Variants in KMT2C observed in about 807,000 individuals in gnomAD.
The protein encoded by KMT2C is lysine methyltransferase 2C.
Under a neutral mutation model 507.9 loss-of-function variants are expected in KMT2C, and 88 were observed. The ratio of observed to expected loss-of-function variants is 0.17; its 90% confidence interval spans 0.15 to 0.21. KMT2C has a LOEUF of 0.21. Ranked by LOEUF, KMT2C falls within the 10% of genes least tolerant of loss-of-function variation. The pLI is 1.00. For synonymous variants in KMT2C, 2,049 were observed against 2,080.8 expected, an observed-to-expected ratio of 0.98 and a Z score of 0.42; for missense variants, 4,954 against 5,957.8, an observed-to-expected ratio of 0.83 and a Z score of 5.55.
Position 152,279,049 on chromosome 7 carries a change from T to C in KMT2C, c.850-5182A>G, listed in dbSNP as rs567679982. On this transcript the variant is annotated intron_variant, in intron 6 of 58. Transcript: ENST00000262189. ...TAGAATTTTCAAAAAAAAATCCACA[T>C]GTATGGTCGTAAAGAAATGTCCACA... is the stretch of plus-strand genomic sequence containing the variant. Among the ~76,000 whole-genome samples the C allele has an allele frequency of 2.6e-5, 4 of 152,180 alleles. No individual in the cohort carries two copies. In the South Asian group the frequency reaches 8.3e-4, roughly 32 times the overall value.
chr7:152,298,931 G>A (rs541755187), intron 6 of KMT2C, among the ~76,000 whole-genome samples: 1 of 152,266 alleles, frequency 6.6e-6, no homozygotes, highest in Non-Finnish European at 1.5e-5. Flanking sequence ...CTTGAAGGTA[G>A]ACCTCTCTAA....
At chr7:152,388,643 T>A (rs2097457185) in intron 1 of KMT2C, among the ~76,000 whole-genome samples, 1 of 152,312 alleles carries the variant, frequency 6.6e-6, no homozygotes, top group African/African-American at 2.4e-5. Context: ...AACTGAGTTC[T>A]AACCTGAAGA....
chr7:152,276,159 G>A (rs1223709459), intron 6 of KMT2C, among the ~76,000 whole-genome samples: 3 of 152,140 alleles, frequency 2.0e-5, no homozygotes, highest in South Asian at 2.1e-4. Flanking sequence ...TTAGGAGAAC[G>A]CTTCAAACCC....
chr7:152,271,629 A>G (rs1045017693), intron 7 of KMT2C, among the ~76,000 whole-genome samples: 5 of 145,882 alleles, frequency 3.4e-5, no homozygotes, highest in African/African-American at 1.3e-4. Context: ...AGCCAAGGCC[A>G]TGCCACTGCA....
Position 152,177,955 on chromosome 7 carries a change from C to A in KMT2C, c.7498G>T (p.Val2500Leu), listed in dbSNP as rs371045916. ...GTMPSQERFL[V>L]PPQQIQGSGV... ...GATCCCTGTATTTGCTGAGGAGGCACAAGGAAGCGCTCTTGACTCGGCATG... is the reference window on the plus strand; with the variant it reads ...GATCCCTGTATTTGCTGAGGAGGCAAAAGGAAGCGCTCTTGACTCGGCATG... The change falls in exon 38 of 59, where the codon GTG (valine) becomes TTG (leucine). Residue 2500 changes from valine to leucine, a missense_variant. Physicochemically the swap from Val to Leu is conservative, Grantham distance 32. This residue lies in a region of KMT2C where 1,689 missense variants were observed against 1,654.3 expected (regional missense o/e 1.02). Coordinates refer to ENST00000262189, the MANE Select transcript of KMT2C (RefSeq NM_170606.3). 10 of 1,487,148 alleles carry A rather than the reference C, an allele frequency of 6.7e-6. No individual in the cohort carries two copies. Among genetic ancestry groups the A allele is most frequent in the East Asian group, 2.8e-5 (1 of 35,538 alleles). The allele number at this position is 1,487,148 out of a possible 1,614,324, so 92.1% of individuals were successfully genotyped here. A position where few individuals can be genotyped will look rare whatever the true frequency, so the allele number is the denominator to read the frequency against.
At chr7:152,324,178 CAGGAGGAAT>C in intron 3 of KMT2C, among the ~76,000 whole-genome samples, 1 of 151,428 alleles carries the variant, frequency 6.6e-6, no homozygotes, top group South Asian at 2.1e-4. Context: ...AAGGTTGAGA[CAGGAGGAAT>C]AGGTTTTGAG....
intron 22 of KMT2C, among the ~76,000 whole-genome samples, chr7:152,221,007 C>G (rs907881009): frequency 6.6e-6 from 1 of 152,164 alleles, no homozygotes; most frequent in African/African-American, 2.4e-5. Context: ...GTAATCCCAG[C>G]ACTTTGGGGG....
At chr7:152,390,872 A>T (rs1192721386) in intron 1 of KMT2C, among the ~76,000 whole-genome samples, 1 of 152,122 alleles carries the variant, frequency 6.6e-6, no homozygotes, top group Non-Finnish European at 1.5e-5. Context: ...CTCTGCCAGG[A>T]GCAACGGCTC....
intron 23 of KMT2C, among the ~76,000 whole-genome samples, chr7:152,210,443 C>T (rs1038267097): frequency 2.6e-5 from 4 of 152,162 alleles, no homozygotes; most frequent in African/African-American, 9.7e-5. Context: ...CGACTATGGT[C>T]TATAACAAGC....
intron 34 of KMT2C, among the ~76,000 whole-genome samples, chr7:152,184,172 C>A (rs552487551): frequency 1.4e-5 from 2 of 140,154 alleles, no homozygotes; most frequent in East Asian, 4.1e-4. Flanking sequence ...AAAGAAATCA[C>A]TTAAAAATTT....
chr7:152,206,026 T>C (rs992322986), intron 24 of KMT2C, among the ~76,000 whole-genome samples: 14 of 152,216 alleles, frequency 9.2e-5, no homozygotes, highest in African/African-American at 3.1e-4. Context: ...GCATGGAATC[T>C]GGAGTCAGAC....
chr7:152,313,323 G>A (rs2096690829), intron 4 of KMT2C, among the ~76,000 whole-genome samples: 1 of 151,884 alleles, frequency 6.6e-6, no homozygotes, highest in Non-Finnish European at 1.5e-5. Flanking sequence ...ATGAGGGAAA[G>A]GGGTGTAAAA....
intron 6 of KMT2C, 88 bp from the exon 7 acceptor site, chr7:152,273,955 G>C: frequency 7.5e-7 from 1 of 1,335,368 alleles, no homozygotes; most frequent in Non-Finnish European, 9.9e-7. Flanking sequence ...AAAACTCTCT[G>C]TATATCACAA....
Position 152,155,866 on chromosome 7 carries a change from AG to A in KMT2C, c.11960+43del, listed in dbSNP as rs550534952. Reference sequence around the variant, plus strand: ...CATACATACATTTATTTTTTTTAAAAGAAGAAATAACTAAGAATTATTTGAG... The same window carrying A: ...CATACATACATTTATTTTTTTTAAAAAAGAAATAACTAAGAATTATTTGAG... On this transcript the variant is annotated intron_variant, in intron 46 of 58. Coordinates refer to ENST00000262189, the MANE Select transcript of KMT2C (RefSeq NM_170606.3). 415 of 1,547,576 alleles carry A rather than the reference AG, an allele frequency of 2.7e-4. 3 individuals carry two copies. The African/African-American group carries it at 5.3e-3, about 20-fold the overall frequency.
chr7:152,338,635 T>G (rs898500425), intron 2 of KMT2C, among the ~76,000 whole-genome samples: 1 of 152,134 alleles, frequency 6.6e-6, no homozygotes, highest in Non-Finnish European at 1.5e-5. Context: ...ATTCAAAAGA[T>G]AAGGAAACTA....
rs2129164518 is a variant in KMT2C, at chr7:152,248,541, A to G, written c.1893T>C (p.Ser631=). ...CGCCACAAATATGCTTCACTTCAGAAGACATTTTCAGGTCTTCACTATCAA... is the reference window on the plus strand; with the variant it reads ...CGCCACAAATATGCTTCACTTCAGAGGACATTTTCAGGTCTTCACTATCAA... The part of the protein sequence containing the change: ...NEVDSEDLKM[S]SEVKHICGED... Residue 631 remains serine, a synonymous_variant, in exon 14 of 59, where the codon TCT becomes TCC. Coordinates refer to ENST00000262189, the MANE Select transcript of KMT2C (RefSeq NM_170606.3). 1.9e-6 allele frequency: 3 copies of G among 1,614,060 alleles called. No homozygotes were observed. The highest frequency in any genetic ancestry group is 1.7e-6 in the Non-Finnish European group (2 of 1,179,950).
At chr7:152,252,754 A>G (rs536766792) in intron 9 of KMT2C, 39 bp from the exon 10 acceptor site, 2 of 1,444,058 alleles carry the variant, frequency 1.4e-6, no homozygotes, top group South Asian at 1.2e-5. Flanking sequence ...ACAGTTTGTT[A>G]TGCATTTGTA....
At chr7:152,203,979 T>C (rs558438073) in intron 25 of KMT2C, among the ~76,000 whole-genome samples, 28 of 152,220 alleles carry the variant, frequency 1.8e-4, no homozygotes, top group Middle Eastern at 3.4e-3. Flanking sequence ...TTTCAGAGCA[T>C]TGCGAGGAAT....
At position 152,158,946 on chromosome 7, in the gene KMT2C, G is replaced by T. The variant is rs2129101498; in HGVS notation, c.11587C>A (p.Pro3863Thr). 6.2e-7 allele frequency: 1 copy of T among 1,614,150 alleles called. No individual in the cohort carries two copies. Among genetic ancestry groups the T allele is most frequent in the Non-Finnish European group, 8.5e-7 (1 of 1,180,028 alleles). Residue 3863 changes from proline (P) to threonine (T), a missense_variant, in exon 44 of 59, where the codon CCT becomes ACT. By Grantham distance (38) the Pro-to-Thr change is conservative. Coordinates refer to ENST00000262189, the MANE Select transcript of KMT2C (RefSeq NM_170606.3). ...TCCTTTTTCCTTTTCTTTGAGCGAGGTGCTGCTTTCTCACCCGTCCTCTGA... is the reference window on the plus strand; with the variant it reads ...TCCTTTTTCCTTTTCTTTGAGCGAGTTGCTGCTTTCTCACCCGTCCTCTGA... ...RTQRTGEKAAPRSKKRKKDEE... is the reference protein window; with the variant it reads ...RTQRTGEKAATRSKKRKKDEE...
Sources: gnomAD v4.1 joint callset for allele counts (sites outside exome capture counted in the v4.1 genomes callset) on GRCh38, gnomAD v4.1.1 for gene constraint, gnomAD v4.1.1 regional missense constraint, MANE v1.5 for transcripts, NCBI Gene and HGNC (gene_info 2026-07-23, HGNC 2026-07-21) for gene names.